The following ZCCHC14 variants were observed in gnomAD, a reference collection of about 807,000 sequenced individuals.
ZCCHC14 encodes the protein zinc finger CCHC domain-containing protein 14.
A neutral mutation model predicts 85.0 loss-of-function variants in ZCCHC14; 16 were observed. The observed-to-expected ratio is 0.19, with a 90% CI of 0.13 to 0.29. ZCCHC14 has a LOEUF of 0.29. Ranked by LOEUF, ZCCHC14 falls within the 10% of genes least tolerant of loss-of-function variation. The pLI is 1.00. For missense variants in ZCCHC14, 1,303 were observed against 1,443.5 expected (o/e 0.90, Z 1.58); for synonymous variants, 775 against 630.7 (o/e 1.23, Z -3.43).
intron 3 of ZCCHC14, among the ~76,000 whole-genome samples, chr16:87,425,471 G>C (rs1347303613): frequency 6.6e-6 from 1 of 152,088 alleles, no homozygotes; most frequent in East Asian, 1.9e-4. Flanking sequence ...AGCTACTTGG[G>C]AGACTGAGGT....
rs978881661 is a variant in ZCCHC14, at chr16:87,430,190, G to A, written c.768+2938C>T. ...AGTTTTTGTTTTGGGTTTACATTTAGGTCTCCGATCACTTCTGAGTTAATT... is the reference window on the plus strand; with the variant it reads ...AGTTTTTGTTTTGGGTTTACATTTAAGTCTCCGATCACTTCTGAGTTAATT... On this transcript the variant is annotated intron_variant, in intron 3 of 12. Transcript: ENST00000671377. Among the ~76,000 whole-genome samples, 3 of 152,088 alleles carry A rather than the reference G, an allele frequency of 2.0e-5. No homozygotes were observed. In the South Asian group the frequency reaches 6.2e-4, roughly 32 times the overall value.
chr16:87,411,595 G>T lies in ZCCHC14; in HGVS notation c.3126C>A (p.Asn1042Lys), dbSNP rs754507431. The T allele has an allele frequency of 6.2e-7, 1 of 1,613,786 alleles. No homozygotes were observed. ...SNGSSHKKSGNLSCYNCGATG... is the reference protein window; with the variant it reads ...SNGSSHKKSGKLSCYNCGATG... ...TGGCCCCGCAGTTGTAACAAGATAG[G>T]TTCCCGCTCTTTTTGTGACTGGAAC... Residue 1042 changes from asparagine to lysine, a missense_variant, in exon 12 of 13, where the codon AAC becomes AAA. Around this residue, in one of 7 missense-constraint regions of ZCCHC14, gnomAD observed 797 missense variants for 730.8 expected, o/e 1.09. Coordinates refer to ENST00000671377, the MANE Select transcript of ZCCHC14 (RefSeq NM_015144.3).
chr16:87,435,165 C>G (rs756660678), intron 2 of ZCCHC14, among the ~76,000 whole-genome samples: 1 of 152,110 alleles, frequency 6.6e-6, no homozygotes, highest in Admixed American at 6.5e-5. Flanking sequence ...CTAACATACA[C>G]GAACCTCTCC....
chr16:87,468,980 A>C (rs1911659292), intron 1 of ZCCHC14, among the ~76,000 whole-genome samples: 1 of 152,258 alleles, frequency 6.6e-6, no homozygotes, highest in African/African-American at 2.4e-5. Flanking sequence ...CATCTTTAAA[A>C]AGAATACGGT....
chr16:87,471,105 A>G (rs1321620350), intron 1 of ZCCHC14: 1 of 152,216 alleles, frequency 6.6e-6, no homozygotes, highest in Non-Finnish European at 1.5e-5. Flanking sequence ...TACCCCCACA[A>G]ACAAAATACA....
intron 1 of ZCCHC14, among the ~76,000 whole-genome samples, chr16:87,461,122 G>T (rs571150863): frequency 6.6e-6 from 1 of 152,228 alleles, no homozygotes; most frequent in Non-Finnish European, 1.5e-5. Context: ...CAAGCTGTGG[G>T]TGGGGGAGGC....
At chr16:87,475,629 C>T (rs1224471270) in intron 1 of ZCCHC14, among the ~76,000 whole-genome samples, 1 of 149,474 alleles carries the variant, frequency 6.7e-6, no homozygotes, top group East Asian at 1.9e-4. Context: ...ATCCTGTGGA[C>T]GAGCTTTAAC....
At chr16:87,475,724 AG>A (rs1911977421) in intron 1 of ZCCHC14, among the ~76,000 whole-genome samples, 1 of 151,444 alleles carries the variant, frequency 6.6e-6, no homozygotes, top group African/African-American at 2.5e-5. Context: ...AGAGAGAAAA[AG>A]ATCTGAAAGG....
intron 1 of ZCCHC14, among the ~76,000 whole-genome samples, chr16:87,489,620 G>C (rs944277221): frequency 9.9e-5 from 15 of 152,210 alleles, no homozygotes; most frequent in African/African-American, 3.6e-4. Context: ...AGGGGCAGAA[G>C]GATCCTGGCC....
intron 2 of ZCCHC14, among the ~76,000 whole-genome samples, chr16:87,455,360 G>A (rs893501577): frequency 1.3e-5 from 2 of 151,692 alleles, no homozygotes; most frequent in South Asian, 2.1e-4. Context: ...AGCTGGCCTC[G>A]GCACCCCAAT....
At chr16:87,437,817 C>T (rs1910002550) in intron 2 of ZCCHC14, among the ~76,000 whole-genome samples, 1 of 152,198 alleles carries the variant, frequency 6.6e-6, no homozygotes, top group African/African-American at 2.4e-5. Context: ...TCAACACCTA[C>T]ATTTAGAAAC....
rs772652898 is a variant in ZCCHC14 at position 87,414,453 on chromosome 16, C to T, written c.1564G>A (p.Val522Ile). 6.2e-6 allele frequency: 10 copies of T among 1,613,092 alleles called. No homozygotes were observed. The highest frequency in any genetic ancestry group is 1.1e-5 in the South Asian group (1 of 91,082). Residue 522 changes from valine to isoleucine, a missense_variant, in exon 10 of 13, where the codon GTC (valine) becomes ATC (isoleucine). Coordinates refer to ENST00000671377, the MANE Select transcript of ZCCHC14 (RefSeq NM_015144.3). ...GVARVPPTSHVGPVQSGRGSH... is the reference protein window; with the variant it reads ...GVARVPPTSHIGPVQSGRGSH... ...CCCCGCCCCGACTGCACGGGCCCGA[C>T]GTGGCTGGTGGGGGGCACTCGAGCC...
rs766547110 is a variant in ZCCHC14, at chr16:87,492,907, C to CGCGGCGGCGGCG, written c.-681_-670dup. Among the ~76,000 whole-genome samples the CGCGGCGGCGGCG allele has an allele frequency of 1.1e-3, 159 of 148,082 alleles. 1 individual carries two copies. The Middle Eastern group carries it at 0.025, about 23-fold the overall frequency. On this transcript the variant is annotated 5_prime_UTR_variant, in exon 1 of 13. Transcript: ENST00000671377. This position sits in a 1 kb window ranked among gnomAD's most constrained non-coding sequence, Gnocchi z 6.7. The stretch of plus-strand genomic sequence containing the variant: ...CGCGGCGGACGGATCCGGGCCCGAG[C>CGCGGCGGCGGCG]GCGGCGGCGGCGGCGACGGCGACGG...
rs1908235567 is a variant in ZCCHC14, at chr16:87,407,110, T to C, written c.*3170A>G. 1 of 152,306 alleles carries C rather than the reference T, an allele frequency of 6.6e-6. No homozygotes were observed. The highest frequency in any genetic ancestry group is 1.5e-5 in the Non-Finnish European group (1 of 68,084). 9.4% of individuals were successfully genotyped at this position (152,306 alleles called of 1,614,324 possible). A position where few individuals can be genotyped will look rare whatever the true frequency, so the allele number is the denominator to read the frequency against. The stretch of plus-strand genomic sequence containing the variant: ...AGTGCCTAAAGCCCCGCTCAGCCTC[T>C]GTTCCAGCTGGGTGATGTTTAGGCA... On this transcript the variant is annotated 3_prime_UTR_variant, in exon 13 of 13. Coordinates refer to ENST00000671377, the MANE Select transcript of ZCCHC14 (RefSeq NM_015144.3).
intron 1 of ZCCHC14, among the ~76,000 whole-genome samples, chr16:87,462,120 TAA>T (rs11431342): frequency 2.9e-5 from 4 of 139,564 alleles, no homozygotes; most frequent in Admixed American, 7.2e-5. Context: ...TCTAAAAAAG[TAA>T]AAAAAAAAAA....
intron 1 of ZCCHC14, among the ~76,000 whole-genome samples, chr16:87,461,198 C>A (rs561568985): frequency 2.6e-5 from 4 of 152,228 alleles, no homozygotes; most frequent in Non-Finnish European, 2.9e-5. Flanking sequence ...TAGCCAGGCT[C>A]GTCCCACCCC....
Position 87,412,521 on chromosome 16 carries a change from C to G in ZCCHC14, c.2200G>C (p.Val734Leu), listed in dbSNP as rs200608342. 4.3e-6 allele frequency: 7 copies of G among 1,614,080 alleles called. No homozygotes were observed. In the East Asian group the frequency reaches 1.6e-4, roughly 36 times the overall value. The change falls in exon 12 of 13, where the codon GTG becomes CTG. Residue 734 changes from valine to leucine, a missense_variant. Coordinates refer to ENST00000671377, the MANE Select transcript of ZCCHC14 (RefSeq NM_015144.3). ...ACCCTGTCCAGCGTGGATGCATGCA[C>G]GACTTTGGTCCGGGGACCAAAGGAG... ...TVSFGPRTKV[V>L]HASTLDRVLK...
chr16:87,427,079 C>T (rs1306067321), intron 3 of ZCCHC14, among the ~76,000 whole-genome samples: 1 of 152,240 alleles, frequency 6.6e-6, no homozygotes, highest in Non-Finnish European at 1.5e-5. Context: ...TTTCTAAGTC[C>T]TTGTCAATCA....
chr16:87,478,231 T>C (rs1912110734), intron 1 of ZCCHC14, among the ~76,000 whole-genome samples: 1 of 152,170 alleles, frequency 6.6e-6, no homozygotes. Flanking sequence ...GTGTCGAAAG[T>C]TCAGAATCTA....
Sources: gnomAD v4.1 joint callset for allele counts (sites outside exome capture counted in the v4.1 genomes callset) on GRCh38, gnomAD v4.1.1 for gene constraint, gnomAD v4.1.1 regional missense constraint, Gnocchi (gnomAD v3.1) non-coding constraint, MANE v1.5 for transcripts, NCBI Gene and HGNC (gene_info 2026-07-23, HGNC 2026-07-21) for gene names.